The following EVI5 variants were observed in gnomAD, a reference collection of about 807,000 sequenced individuals.
EVI5 encodes ecotropic viral integration site 5.
In EVI5, 73 loss-of-function variants were observed where a neutral mutation model predicts 112.0. That is an observed-to-expected ratio of 0.65 (90% confidence interval 0.54 to 0.79). The LOEUF is 0.79. Among genes scored for constraint, EVI5 ranks in the 30% least tolerant of loss-of-function variants. The pLI is 0.00. For missense variants in EVI5, 900 were observed against 968.8 expected (o/e 0.93, Z 0.94); for synonymous variants, 305 against 319.9 (o/e 0.95, Z 0.50).
intron 17 of EVI5, among the ~76,000 whole-genome samples, chr1:92,605,770 G>C (rs1188849502): frequency 6.6e-6 from 1 of 151,832 alleles, no homozygotes; most frequent in Non-Finnish European, 1.5e-5. Flanking sequence ...TAAGTTGAGA[G>C]GGAAAATAAC....
chr1:92,722,883 G>A (rs1041984505), intron 2 of EVI5, among the ~76,000 whole-genome samples: 2 of 152,160 alleles, frequency 1.3e-5, no homozygotes, highest in African/African-American at 2.4e-5. Flanking sequence ...AAAAAGTTAT[G>A]TGGCACACCC....
At chr1:92,691,043 T>C (rs1008628735) in intron 9 of EVI5, among the ~76,000 whole-genome samples, 2 of 152,180 alleles carry the variant, frequency 1.3e-5, no homozygotes, top group East Asian at 3.8e-4. Context: ...TCGGTATAAC[T>C]GACTTGGTCT....
chr1:92,524,254 G>A (rs1326056340), intron 19 of EVI5, among the ~76,000 whole-genome samples: 3 of 152,050 alleles, frequency 2.0e-5, no homozygotes, highest in African/African-American at 4.8e-5. Flanking sequence ...TTCTGAAGAC[G>A]GTGGTCCATA....
chr1:92,597,787 A>G (rs963827701), intron 18 of EVI5, among the ~76,000 whole-genome samples: 1 of 152,242 alleles, frequency 6.6e-6, no homozygotes, highest in Non-Finnish European at 1.5e-5. Context: ...GGCTGTGTGC[A>G]GTGGCTCACA....
intron 19 of EVI5, among the ~76,000 whole-genome samples, chr1:92,552,611 T>C (rs1342968930): frequency 2.0e-5 from 3 of 152,222 alleles, no homozygotes; most frequent in African/African-American, 7.2e-5. Flanking sequence ...CAGTGTGATA[T>C]ATCCCTTGAA....
At chr1:92,523,902 A>G (rs1268528687) in intron 19 of EVI5, among the ~76,000 whole-genome samples, 2 of 152,086 alleles carry the variant, frequency 1.3e-5, no homozygotes, top group African/African-American at 4.8e-5. Flanking sequence ...CCTGGCCAAC[A>G]TGGTGAAACC....
intron 10 of EVI5, among the ~76,000 whole-genome samples, chr1:92,666,265 G>A (rs964512881): frequency 3.3e-5 from 5 of 151,732 alleles, no homozygotes; most frequent in African/African-American, 4.8e-5. Flanking sequence ...GCAACATGGC[G>A]AAACCTCGTC....
intron 5 of EVI5, among the ~76,000 whole-genome samples, chr1:92,699,878 C>G (rs1251785101): frequency 1.3e-5 from 2 of 152,152 alleles, no homozygotes; most frequent in African/African-American, 4.8e-5. Flanking sequence ...TTTTGTCTTA[C>G]AACAATTTCT....
At chr1:92,716,436 G>C (rs1673698423) in intron 2 of EVI5, among the ~76,000 whole-genome samples, 1 of 152,122 alleles carries the variant, frequency 6.6e-6, no homozygotes, top group African/African-American at 2.4e-5. Context: ...TCAACAAAAA[G>C]GACATCCACA....
chr1:92,549,394 C>T (rs906447101), intron 19 of EVI5, among the ~76,000 whole-genome samples: 1 of 151,810 alleles, frequency 6.6e-6, no homozygotes, highest in Non-Finnish European at 1.5e-5. Flanking sequence ...CTATAAAAAC[C>T]CTAGAAGAAA....
intron 13 of EVI5, among the ~76,000 whole-genome samples, chr1:92,642,130 C>CA (rs1006899185): frequency 3.1e-4 from 47 of 149,650 alleles, no homozygotes; most frequent in Admixed American, 2.2e-3. Context: ...TACTCCATCC[C>CA]AAAAAAAAAA....
At chr1:92,566,889 C>T (rs1240196777) in intron 18 of EVI5, among the ~76,000 whole-genome samples, 3 of 150,490 alleles carry the variant, frequency 2.0e-5, no homozygotes, top group Admixed American at 6.7e-5. Context: ...TCACTGCAAC[C>T]TCCACCTCCC....
At chr1:92,748,356 C>T (rs772550823) in intron 1 of EVI5, among the ~76,000 whole-genome samples, 7 of 152,184 alleles carry the variant, frequency 4.6e-5, no homozygotes, top group Non-Finnish European at 8.8e-5. Context: ...TGTGAACATA[C>T]CCCCAACTGA....
intron 2 of EVI5, among the ~76,000 whole-genome samples, chr1:92,725,300 T>C (rs1469637594): frequency 6.6e-6 from 1 of 152,180 alleles, no homozygotes; most frequent in Admixed American, 6.5e-5. Flanking sequence ...GAAAAGTTAC[T>C]GTTTCAAGAC....
chr1:92,554,834 A>G (rs1667448527), intron 19 of EVI5, among the ~76,000 whole-genome samples: 1 of 151,598 alleles, frequency 6.6e-6, no homozygotes, highest in Non-Finnish European at 1.5e-5. Flanking sequence ...AAACCAACCA[A>G]CCCAGGTGCA....
At chr1:92,543,401 C>A (rs959843304) in intron 19 of EVI5, among the ~76,000 whole-genome samples, 3 of 152,196 alleles carry the variant, frequency 2.0e-5, no homozygotes, top group Non-Finnish European at 4.4e-5. Context: ...AGAGTTATGG[C>A]CTTGCACTGG....
chr1:92,673,495 AT>A (rs1358079165), intron 10 of EVI5, among the ~76,000 whole-genome samples: 1 of 151,858 alleles, frequency 6.6e-6, no homozygotes, highest in African/African-American at 2.4e-5. Flanking sequence ...TAGTTTTATA[AT>A]TTTTTTCTTT....
chr1:92,649,423 A>C (rs1661652586), intron 13 of EVI5, among the ~76,000 whole-genome samples: 1 of 152,258 alleles, frequency 6.6e-6, no homozygotes, highest in Non-Finnish European at 1.5e-5. Flanking sequence ...CTAAGAACCA[A>C]TATCTAAAAC....
chr1:92,718,206 A>G (rs1012551410), intron 2 of EVI5, among the ~76,000 whole-genome samples: 1 of 152,212 alleles, frequency 6.6e-6, no homozygotes, highest in Non-Finnish European at 1.5e-5. Flanking sequence ...ATAGACATCT[A>G]CAGAACTCTC....
Sources: gnomAD v4.1 joint callset for allele counts (sites outside exome capture counted in the v4.1 genomes callset) on GRCh38, gnomAD v4.1.1 for gene constraint, MANE v1.5 for transcripts, NCBI Gene and HGNC (gene_info 2026-07-23, HGNC 2026-07-21) for gene names.